PCSK2: variants seen among roughly 807,000 people sequenced by gnomAD.
PCSK2 encodes the protein neuroendocrine convertase 2.
A neutral mutation model predicts 69.7 loss-of-function variants in PCSK2; 14 were observed. The observed-to-expected ratio is 0.20, with a 90% confidence interval of 0.13 to 0.31. The LOEUF (loss-of-function observed/expected upper bound fraction) is 0.31. Ranked by LOEUF, PCSK2 falls within the 10% of genes least tolerant of loss-of-function variation. PCSK2 has a pLI of 1.00. For missense variants in PCSK2, 544 were observed against 842.5 expected (o/e 0.65, Z 4.39); for synonymous variants, 307 against 320.7 (o/e 0.96, Z 0.46).
chr20:17,420,747 A>C (rs952517353), intron 6 of PCSK2, among the ~76,000 whole-genome samples: 1 of 152,242 alleles, frequency 6.6e-6, no homozygotes, highest in Non-Finnish European at 1.5e-5. Flanking sequence ...CATTATGTAG[A>C]CAAATGTAAT....
At chr20:17,323,943 C>A (rs1485855148) in intron 2 of PCSK2, among the ~76,000 whole-genome samples, 1 of 152,214 alleles carries the variant, frequency 6.6e-6, no homozygotes, top group African/African-American at 2.4e-5. Context: ...TGGTTCAGGG[C>A]AGATTGGAAG....
chr20:17,243,715 A>G (rs1490438793), intron 1 of PCSK2, among the ~76,000 whole-genome samples: 2 of 152,204 alleles, frequency 1.3e-5, no homozygotes, highest in African/African-American at 4.8e-5. Flanking sequence ...TGAACAGCGC[A>G]TCAAGAAGCA....
intron 5 of PCSK2, among the ~76,000 whole-genome samples, chr20:17,379,556 C>T (rs966860165): frequency 6.6e-6 from 1 of 152,204 alleles, no homozygotes; most frequent in Non-Finnish European, 1.5e-5. Flanking sequence ...CCCATTCTTA[C>T]CTTTAAAAGC....
intron 2 of PCSK2, among the ~76,000 whole-genome samples, chr20:17,350,539 C>T (rs548654689): frequency 6.6e-6 from 1 of 152,062 alleles, no homozygotes; most frequent in Admixed American, 6.5e-5. Context: ...GGCCCAGGTC[C>T]TCAGAGAGTT....
intron 5 of PCSK2, among the ~76,000 whole-genome samples, chr20:17,370,255 A>G (rs772644262): frequency 2.0e-5 from 3 of 152,216 alleles, no homozygotes; most frequent in Non-Finnish European, 4.4e-5. Context: ...AAGGGCTTGC[A>G]TAAAAGAAAG....
intron 7 of PCSK2, among the ~76,000 whole-genome samples, chr20:17,433,814 C>CTCCCCCCCTCTCT (rs1555795288): frequency 1.4e-5 from 1 of 70,840 alleles, no homozygotes; most frequent in Non-Finnish European, 2.5e-5. Flanking sequence ...TCTCTCTCTC[C>CTCCCCCCCTCTCT]CCCCACTTCC....
intron 5 of PCSK2, among the ~76,000 whole-genome samples, chr20:17,380,723 G>T (rs1482375800): frequency 1.3e-5 from 2 of 152,166 alleles, no homozygotes; most frequent in East Asian, 3.9e-4. Context: ...ACAAGCCTAA[G>T]GTGGTCAGAC....
intron 2 of PCSK2, among the ~76,000 whole-genome samples, chr20:17,286,420 T>C (rs1276409247): frequency 6.6e-6 from 1 of 152,264 alleles, no homozygotes; most frequent in Non-Finnish European, 1.5e-5. Context: ...GTGCAGCCTC[T>C]GTATGACTTG....
At chr20:17,436,384 A>G (rs1174759807) in intron 7 of PCSK2, among the ~76,000 whole-genome samples, 2 of 152,226 alleles carry the variant, frequency 1.3e-5, no homozygotes, top group Non-Finnish European at 2.9e-5. Flanking sequence ...CAGTTCTCTG[A>G]GGCCAAGCTT....
chr20:17,227,189 A>G lies in PCSK2; in HGVS notation c.-117A>G, dbSNP rs531353541. On this transcript the variant is annotated 5_prime_UTR_variant, in exon 1 of 12. Transcript: ENST00000262545. ...AAGACCCTGTTCAGTCTCTTTCTCT[A>G]TACAAAGATTTTTTTAAAAACTATA... 43 of 664,104 alleles carry G rather than the reference A, an allele frequency of 6.5e-5. No individual in the cohort carries two copies. Among genetic ancestry groups the G allele is most frequent in the South Asian group, 9.7e-5 (5 of 51,422 alleles). 41.1% of individuals were successfully genotyped at this position (664,104 alleles called of 1,614,324 possible). A position where few individuals can be genotyped will look rare whatever the true frequency, so the allele number is the denominator to read the frequency against.
At chr20:17,391,882 AAGAAAGAGAGAG>A (rs2031381962) in intron 5 of PCSK2, among the ~76,000 whole-genome samples, 1 of 112,046 alleles carries the variant, frequency 8.9e-6, no homozygotes, top group East Asian at 2.9e-4. Flanking sequence ...GAAAGAAAAA[AAGAAAGAGAGAG>A]AGAAAGAGAG....
At chr20:17,386,298 T>C (rs1471666739) in intron 5 of PCSK2, among the ~76,000 whole-genome samples, 1 of 152,212 alleles carries the variant, frequency 6.6e-6, no homozygotes, top group Non-Finnish European at 1.5e-5. Flanking sequence ...CTCATGTTCA[T>C]GGTAACATTA....
intron 2 of PCSK2, among the ~76,000 whole-genome samples, chr20:17,283,472 G>C (rs1988395122): frequency 6.6e-6 from 1 of 152,162 alleles, no homozygotes; most frequent in Non-Finnish European, 1.5e-5. Flanking sequence ...AACAGCCTCA[G>C]ACTCTCCAGA....
Position 17,476,912 on chromosome 20 carries a change from A to C in PCSK2, c.1431-4672A>C, listed in dbSNP as rs73900829. On this transcript the variant is annotated intron_variant, in intron 11 of 11. Transcript: ENST00000262545. Reference sequence around the variant, plus strand: ...TCCACCAAATGGATGGTTTCCCCAGATCCTGGGAACAGAAAGACCAACCCC... The same window carrying C: ...TCCACCAAATGGATGGTTTCCCCAGCTCCTGGGAACAGAAAGACCAACCCC... Among the ~76,000 whole-genome samples the C allele has an allele frequency of 9.4e-3, 1,426 of 152,316 alleles. 24 individuals carry two copies. Among genetic ancestry groups the C allele is most frequent in the African/African-American group, 0.033 (1,362 of 41,574 alleles).
chr20:17,340,557 TA>T (rs1249971503), intron 2 of PCSK2, among the ~76,000 whole-genome samples: 1 of 152,218 alleles, frequency 6.6e-6, no homozygotes, highest in African/African-American at 2.4e-5. Context: ...ATCTTTTGTT[TA>T]AAAAGGTAAA....
intron 2 of PCSK2, among the ~76,000 whole-genome samples, chr20:17,301,837 G>A (rs11696451): frequency 0.21 from 31,771 of 151,866 alleles, 3,772 homozygotes; most frequent in Middle Eastern, 0.3. Flanking sequence ...AGGCTGAGGC[G>A]GGAGAATTGC....
intron 2 of PCSK2, among the ~76,000 whole-genome samples, chr20:17,269,156 C>G (rs1238357467): frequency 6.6e-6 from 1 of 152,118 alleles, no homozygotes; most frequent in East Asian, 1.9e-4. Context: ...GTGAAATGAA[C>G]AGATGGACTT....
At chr20:17,302,282 T>C (rs1989111566) in intron 2 of PCSK2, among the ~76,000 whole-genome samples, 3 of 152,194 alleles carry the variant, frequency 2.0e-5, no homozygotes, top group Admixed American at 1.3e-4. Context: ...TGTCAGTTTC[T>C]ATCAATTATT....
intron 1 of PCSK2, among the ~76,000 whole-genome samples, chr20:17,246,801 G>GAA (rs200516537): frequency 1.4e-5 from 2 of 143,792 alleles, no homozygotes; most frequent in African/African-American, 5.1e-5. Flanking sequence ...AATTCTGCTT[G>GAA]AAAAAAAAAA....
Sources: gnomAD v4.1 joint callset for allele counts (sites outside exome capture counted in the v4.1 genomes callset) on GRCh38, gnomAD v4.1.1 for gene constraint, MANE v1.5 for transcripts, NCBI Gene and HGNC (gene_info 2026-07-23, HGNC 2026-07-21) for gene names.